Variants in ELF4 observed in about 807,000 individuals in gnomAD.
The protein encoded by ELF4 is ETS-related transcription factor Elf-4.
A neutral mutation model predicts 31.7 loss-of-function variants in ELF4; 10 were observed. That is an observed-to-expected ratio of 0.32 (90% confidence interval 0.19 to 0.54). ELF4 has a LOEUF of 0.54. Ranked by LOEUF, ELF4 falls within the 20% of genes least tolerant of loss-of-function variation. ELF4 has a pLI of 0.95. For synonymous variants in ELF4, 208 were observed against 226.7 expected (o/e 0.92, Z 0.74); for missense variants, 418 against 522.0 (o/e 0.80, Z 1.94).
chrX:130,081,361 T>C lies in ELF4; in HGVS notation c.-31A>G, dbSNP rs1479469257. The C allele has an allele frequency of 3.4e-6, 4 of 1,189,105 alleles. No homozygotes were observed. Among genetic ancestry groups the C allele is most frequent in the Non-Finnish European group, 4.6e-6 (4 of 874,735 alleles). ...CTTTTCAGAGAGCTGACAACGGGATTATCAGAGCCCTCCAGAGCTGTGGGG... is the reference window on the plus strand; with the variant it reads ...CTTTTCAGAGAGCTGACAACGGGATCATCAGAGCCCTCCAGAGCTGTGGGG... On this transcript the variant is annotated 5_prime_UTR_variant, in exon 2 of 9. It adds an upstream start codon to the 5' untranslated region. Transcript: ENST00000308167.
chrX:130,096,204 A>T (rs1473526925), intron 1 of ELF4, among the ~76,000 whole-genome samples: 1 of 109,889 alleles, frequency 9.1e-6, no homozygotes, highest in Non-Finnish European at 1.9e-5. Context: ...TGTTTTTGAG[A>T]CAGAGTCTCA....
At chrX:130,086,271 A>C (rs905077700) in intron 1 of ELF4, among the ~76,000 whole-genome samples, 6 of 111,992 alleles carry the variant, frequency 5.4e-5, no homozygotes, top group Admixed American at 2.8e-4. Flanking sequence ...ATTTACAAGA[A>C]ACCCAGTTTC....
At chrX:130,099,150 A>G (rs982546907) in intron 1 of ELF4, among the ~76,000 whole-genome samples, 5 of 112,473 alleles carry the variant, frequency 4.4e-5, no homozygotes, top group Non-Finnish European at 9.4e-5. Context: ...ATGTAACCAC[A>G]GGCACGCCAC....
At position 130,066,380 on chromosome X, in the gene ELF4, G is replaced by GAGAT; in HGVS notation, c.*337_*340dup. 2 of 307,606 alleles carry GAGAT rather than the reference G, an allele frequency of 6.5e-6. No homozygotes were observed. The highest frequency in any genetic ancestry group is 1.4e-4 in the South Asian group (2 of 14,130). 25.4% of individuals were successfully genotyped at this position (307,606 alleles called of 1,213,427 possible). A position where few individuals can be genotyped will look rare whatever the true frequency, so the allele number is the denominator to read the frequency against. On this transcript the variant is annotated 3_prime_UTR_variant, in exon 9 of 9. Transcript: ENST00000308167. ...TCCCTGTGTAGGGAATGCAGCCAGT[G>GAGAT]AGATAGAGCCAGGTAGAAGGGCTCT... is the stretch of plus-strand genomic sequence containing the variant.
At chrX:130,088,797 G>T (rs1429742953) in intron 1 of ELF4, among the ~76,000 whole-genome samples, 1 of 112,169 alleles carries the variant, frequency 8.9e-6, no homozygotes, top group Non-Finnish European at 1.9e-5. Flanking sequence ...GTACCCACAG[G>T]ATATTAAGTC....
intron 2 of ELF4, among the ~76,000 whole-genome samples, chrX:130,076,074 T>C (rs61141432): frequency 0.097 from 10,788 of 111,387 alleles, 1,137 homozygotes; most frequent in African/African-American, 0.31. Context: ...CAAAAATAAG[T>C]GTCTAACAGT....
chrX:130,065,659 A>T lies in ELF4; in HGVS notation c.*1062T>A, dbSNP rs900043983. Reference sequence around the variant, plus strand: ...CGCAGTGATGCCTGACAGCTGGAAAATGTCAAAAAGTAATCAAGAGGGAGC... The same window carrying T: ...CGCAGTGATGCCTGACAGCTGGAAATTGTCAAAAAGTAATCAAGAGGGAGC... On this transcript the variant is annotated 3_prime_UTR_variant, in exon 9 of 9. Coordinates refer to ENST00000308167, the MANE Select transcript of ELF4 (RefSeq NM_001421.4). 8 of 174,500 alleles carry T rather than the reference A, an allele frequency of 4.6e-5. No individual in the cohort carries two copies. The highest frequency in any genetic ancestry group is 2.3e-4 in the African/African-American group (8 of 34,055). 14.4% of individuals were successfully genotyped at this position (174,500 alleles called of 1,213,427 possible).
At position 130,096,567 on chromosome X, in the gene ELF4, G is replaced by A. The variant is rs376254996; in HGVS notation, c.-210+13758C>T. Among the ~76,000 whole-genome samples, 13 of 112,036 alleles carry A rather than the reference G, an allele frequency of 1.2e-4. No individual in the cohort carries two copies. The East Asian group carries it at 3.3e-3, about 29-fold the overall frequency. On this transcript the variant is annotated intron_variant, in intron 1 of 8. Coordinates refer to ENST00000308167, the MANE Select transcript of ELF4 (RefSeq NM_001421.4). ...TAGATTAAAAACTACTGAAGTGTATGCTTTAAGAGGATGAATTATATGGTA... is the reference window on the plus strand; with the variant it reads ...TAGATTAAAAACTACTGAAGTGTATACTTTAAGAGGATGAATTATATGGTA...
chrX:130,087,807 G>A (rs1405117674), intron 1 of ELF4, among the ~76,000 whole-genome samples: 2 of 112,090 alleles, frequency 1.8e-5, no homozygotes. Context: ...CGTTACTCTG[G>A]GGCTGTGGTA....
In ELF4 at chrX:130,069,467, G is replaced by A; in HGVS notation, c.1020C>T (p.Pro340=). The stretch of plus-strand genomic sequence containing the variant: ...CCCAAGAAGAGCTGCCCTTGCCCTG[G>A]GGGGCAGATCTGGATGAGACCCTGG... ...TSSRVSSRSA[P]QGKGSSSWEK... Residue 340 remains proline (P), a synonymous_variant, in exon 8 of 9, where the codon CCC becomes CCT. Coordinates refer to ENST00000308167, the MANE Select transcript of ELF4 (RefSeq NM_001421.4). 8.2e-7 allele frequency: 1 copy of A among 1,212,443 alleles called. No individual in the cohort carries two copies. Among genetic ancestry groups the A allele is most frequent in the Non-Finnish European group, 1.1e-6 (1 of 895,660 alleles).
intron 2 of ELF4, among the ~76,000 whole-genome samples, chrX:130,077,476 A>G (rs1932844987): frequency 9.0e-6 from 1 of 111,625 alleles, no homozygotes; most frequent in Non-Finnish European, 1.9e-5. Flanking sequence ...TTGTATTTTT[A>G]GTAGAGACAG....
chrX:130,088,659 G>A (rs1385048094), intron 1 of ELF4, among the ~76,000 whole-genome samples: 1 of 111,645 alleles, frequency 9.0e-6, no homozygotes, highest in African/African-American at 3.3e-5. Context: ...GTTGCAGTAA[G>A]CTGAGATCGC....
intron 2 of ELF4, among the ~76,000 whole-genome samples, chrX:130,079,184 G>A (rs773526689): frequency 6.3e-5 from 7 of 110,935 alleles, no homozygotes; most frequent in Non-Finnish European, 9.4e-5. Flanking sequence ...GAGGCCAGGC[G>A]CGGTGGCTCA....
At chrX:130,081,615 C>A in intron 1 of ELF4, 76 bp from the exon 2 acceptor site, 1 of 391,837 alleles carries the variant, frequency 2.6e-6, no homozygotes, top group Non-Finnish European at 4.5e-6. Context: ...GCCTATGAAC[C>A]AGAGGGACCC....
At position 130,069,496 on chromosome X, in the gene ELF4, T is replaced by C. The variant is rs376411862; in HGVS notation, c.991A>G (p.Ser331Gly). Residue 331 changes from serine to glycine, a missense_variant, in exon 8 of 9, where the codon AGC (serine) becomes GGC (glycine). Transcript: ENST00000308167. ...VASASTTRRT[S>G]SRVSSRSAPQ... is the part of the protein sequence containing the mutation. ...GCAGATCTGGATGAGACCCTGGAGC[T>C]GGTTCGCCGGGTGGTACTGGCAGAG... 9.1e-6 allele frequency: 11 copies of C among 1,212,291 alleles called. No homozygotes were observed. The highest frequency in any genetic ancestry group is 1.2e-5 in the Non-Finnish European group (11 of 895,579).
At chrX:130,086,412 T>C (rs772863237) in intron 1 of ELF4, among the ~76,000 whole-genome samples, 135 of 112,081 alleles carry the variant, frequency 1.2e-3, no homozygotes, top group South Asian at 2.6e-3. Flanking sequence ...CCTCTTCCCC[T>C]ACCTTCTTTG....
intron 5 of ELF4, among the ~76,000 whole-genome samples, chrX:130,071,827 A>G (rs972573303): frequency 1.8e-5 from 2 of 112,060 alleles, no homozygotes; most frequent in African/African-American, 3.2e-5. Context: ...GAAAGCCCAA[A>G]GTCCTCTCTC....
At position 130,066,432 on chromosome X, in the gene ELF4, G is replaced by A; in HGVS notation, c.*289C>T. 5.4e-6 allele frequency: 2 copies of A among 367,070 alleles called. No homozygotes were observed. The highest frequency in any genetic ancestry group is 5.3e-5 in the South Asian group (1 of 18,975). The allele number at this position is 367,070 out of a possible 1,213,427, so 30.3% of individuals were successfully genotyped here. A position where few individuals can be genotyped will look rare whatever the true frequency, so the allele number is the denominator to read the frequency against. On this transcript the variant is annotated 3_prime_UTR_variant, in exon 9 of 9. Coordinates refer to ENST00000308167, the MANE Select transcript of ELF4 (RefSeq NM_001421.4). ...CTCACAAAGCTGCTGCACAAACCCT[G>A]GCCACAAACTTCTGCCTGGCTCAAG...
chrX:130,072,168 C>T, intron 5 of ELF4, 58 bp downstream of exon 5: 8 of 1,120,799 alleles, frequency 7.1e-6, no homozygotes, highest in Non-Finnish European at 9.8e-6. Context: ...CCTGACCGCC[C>T]CCCCACGCCC....
Sources: gnomAD v4.1 joint callset for allele counts (sites outside exome capture counted in the v4.1 genomes callset) on GRCh38, gnomAD v4.1.1 for gene constraint, MANE v1.5 for transcripts, NCBI Gene and HGNC (gene_info 2026-07-23, HGNC 2026-07-21) for gene names.